The following TIA1 variants were observed in gnomAD, a reference collection of about 807,000 sequenced individuals.
The protein encoded by TIA1 is TIA1 cytotoxic granule associated RNA binding protein.
Under a neutral mutation model 65.9 loss-of-function variants are expected in TIA1, and 23 were observed. That is an observed-to-expected ratio of 0.35 (90% confidence interval 0.25 to 0.49). The LOEUF is 0.49. Ranked by LOEUF, TIA1 falls within the 20% of genes least tolerant of loss-of-function variation. TIA1 has a pLI of 0.98. For synonymous variants in TIA1, 147 were observed against 149.4 expected (o/e 0.98, Z 0.12); for missense variants, 371 against 477.9 (o/e 0.78, Z 2.09).
chr2:70,222,770 C>A (rs1341426751), intron 7 of TIA1, among the ~76,000 whole-genome samples: 1 of 152,104 alleles, frequency 6.6e-6, no homozygotes, highest in Non-Finnish European at 1.5e-5. Flanking sequence ...AAAAAATTAG[C>A]CGTGCATGGT....
At chr2:70,216,052 A>C in intron 10 of TIA1, 156 bp downstream of exon 10, 1 of 749,068 alleles carries the variant, frequency 1.3e-6, no homozygotes, top group African/African-American at 1.8e-5. Context: ...GCACCCGGCC[A>C]AAATTTCAAC....
intron 7 of TIA1, among the ~76,000 whole-genome samples, chr2:70,220,936 C>T (rs1400116158): frequency 6.6e-6 from 1 of 151,398 alleles, no homozygotes; most frequent in Non-Finnish European, 1.5e-5. Flanking sequence ...GAGGCCAAGG[C>T]GGGCGGACTG....
intron 7 of TIA1, among the ~76,000 whole-genome samples, chr2:70,217,893 A>C (rs937681403): frequency 1.3e-5 from 2 of 152,242 alleles, no homozygotes; most frequent in African/African-American, 4.8e-5. Flanking sequence ...AGATATCATA[A>C]AGTTCATGCA....
intron 11 of TIA1, among the ~76,000 whole-genome samples, 154 bp from the exon 12 acceptor site, chr2:70,214,648 A>C (rs995449569): frequency 4.6e-5 from 7 of 151,558 alleles, no homozygotes; most frequent in Non-Finnish European, 7.4e-5. Flanking sequence ...AAAAAAAAAA[A>C]AAAAAAAAAA....
At chr2:70,235,852 A>G (rs537915185) in intron 2 of TIA1, among the ~76,000 whole-genome samples, 1 of 152,278 alleles carries the variant, frequency 6.6e-6, no homozygotes, top group African/African-American at 2.4e-5. Flanking sequence ...ATCTTCCATC[A>G]TGTAATAAAA....
rs1394408226 is a variant in TIA1 at position 70,212,669 on chromosome 2, T to C, written c.*50A>G. ...ATCTTTAAGTAAACAACGGCTTTACTACACTCCCTGTAGCCTCAAGCCACT... is the reference window on the plus strand; with the variant it reads ...ATCTTTAAGTAAACAACGGCTTTACCACACTCCCTGTAGCCTCAAGCCACT... On this transcript the variant is annotated 3_prime_UTR_variant, in exon 13 of 13. Coordinates refer to ENST00000433529, the MANE Select transcript of TIA1 (RefSeq NM_022173.4). 1 of 1,136,864 alleles carries C rather than the reference T, an allele frequency of 8.8e-7. No homozygotes were observed. Among genetic ancestry groups the C allele is most frequent in the East Asian group, 2.3e-5 (1 of 42,640 alleles). 70.4% of individuals were successfully genotyped at this position (1,136,864 alleles called of 1,614,324 possible). A position where few individuals can be genotyped will look rare whatever the true frequency, so the allele number is the denominator to read the frequency against.
chr2:70,219,951 T>C (rs1680500811), intron 7 of TIA1, among the ~76,000 whole-genome samples: 1 of 152,130 alleles, frequency 6.6e-6, no homozygotes, highest in Non-Finnish European at 1.5e-5. Context: ...GACGCTTAAC[T>C]AATGTTATGT....
chr2:70,235,151 C>G lies in TIA1; in HGVS notation c.123+928G>C, dbSNP rs7608348. 6.9e-3 allele frequency among the ~76,000 whole-genome samples: 1,046 copies of G among 152,190 alleles called. 13 individuals carry two copies. Among genetic ancestry groups the G allele is most frequent in the African/African-American group, 0.024 (1,009 of 41,518 alleles). On this transcript the variant is annotated intron_variant, in intron 2 of 12. Transcript: ENST00000433529. The stretch of plus-strand genomic sequence containing the variant: ...AAAATTTAGGCCAGGTACAGTGGCT[C>G]ATACCTGTAATCCCAGTACTTTGGG...
chr2:70,248,511 T>C lies in TIA1; in HGVS notation c.-81A>G, dbSNP rs1000573491. The C allele has an allele frequency of 2.5e-6, 4 of 1,593,322 alleles. No individual in the cohort carries two copies. Among genetic ancestry groups the C allele is most frequent in the Non-Finnish European group, 3.4e-6 (4 of 1,174,780 alleles). On this transcript the variant is annotated 5_prime_UTR_variant, in exon 1 of 13. Coordinates refer to ENST00000433529, the MANE Select transcript of TIA1 (RefSeq NM_022173.4). ...CCCAAATCGTTTAAGCGGTTATGGC[T>C]ACAGGATAGTGGGGTTTCTCGGCTG... is the stretch of plus-strand genomic sequence containing the variant.
intron 1 of TIA1, among the ~76,000 whole-genome samples, chr2:70,245,291 G>A (rs573445518): frequency 1.3e-5 from 2 of 152,262 alleles, no homozygotes; most frequent in Non-Finnish European, 2.9e-5. Flanking sequence ...CTGGCCAGCT[G>A]CAGGCTTTTA....
intron 11 of TIA1, 55 bp from the exon 12 acceptor site, chr2:70,214,549 T>C: frequency 1.4e-6 from 2 of 1,382,828 alleles, no homozygotes; most frequent in Non-Finnish European, 1.9e-6. Context: ...ACAATCCTAA[T>C]ATGCTGATAC....
intron 1 of TIA1, among the ~76,000 whole-genome samples, chr2:70,245,356 T>C (rs1457204344): frequency 4.6e-5 from 7 of 152,158 alleles, no homozygotes; most frequent in Admixed American, 2.6e-4. Flanking sequence ...AGCCGCACAA[T>C]AACAGTATAG....
intron 5 of TIA1, chr2:70,228,340 A>G (rs1684682986): frequency 3.1e-6 from 4 of 1,284,106 alleles, no homozygotes; most frequent in Non-Finnish European, 4.1e-6. Flanking sequence ...AATCAAAGAA[A>G]TACCTTGCAT....
intron 5 of TIA1, chr2:70,228,423 C>T (rs1684705864): frequency 1.6e-6 from 2 of 1,287,958 alleles, no homozygotes; most frequent in Non-Finnish European, 2.0e-6. Context: ...AGACATTACA[C>T]CATTCAGTTT....
At chr2:70,244,834 CAAA>C (rs70956958) in intron 1 of TIA1, among the ~76,000 whole-genome samples, 5 of 53,484 alleles carry the variant, frequency 9.3e-5, no homozygotes, top group Admixed American at 2.4e-4. Context: ...GACTCTGTCT[CAAA>C]AAAAAAAAAA....
rs975298756 is a variant in TIA1, at chr2:70,239,950, G to C, written c.27-3775C>G. Among the ~76,000 whole-genome samples, 6 of 152,186 alleles carry C rather than the reference G, an allele frequency of 3.9e-5. No individual in the cohort carries two copies. In the South Asian group the frequency reaches 1.0e-3, roughly 26 times the overall value. Reference sequence around the variant, plus strand: ...AGTTCTCCTTTACAGGAGAATGCTAGTTAATAAATGTAGAAAGATAGTATT... The same window carrying C: ...AGTTCTCCTTTACAGGAGAATGCTACTTAATAAATGTAGAAAGATAGTATT... On this transcript the variant is annotated intron_variant, in intron 1 of 12. Coordinates refer to ENST00000433529, the MANE Select transcript of TIA1 (RefSeq NM_022173.4).
intron 5 of TIA1, 23 bp downstream of exon 5, chr2:70,229,036 T>C: frequency 6.3e-7 from 1 of 1,590,152 alleles, no homozygotes; most frequent in Non-Finnish European, 8.5e-7. Context: ...GATTTCATTT[T>C]ATGTTTAAGA....
In TIA1 at chr2:70,209,999, C is replaced by CAG. The variant is rs1176230294; in HGVS notation, c.*2718_*2719dup. The CAG allele has an allele frequency of 3.1e-6, 1 of 327,020 alleles. No homozygotes were observed. Among genetic ancestry groups the CAG allele is most frequent in the African/African-American group, 2.1e-5 (1 of 47,286 alleles). 20.3% of individuals were successfully genotyped at this position (327,020 alleles called of 1,614,324 possible). ...TGTGAATCTCATTTTCAACAAGTAT[C>CAG]AGCAAGGAAAATGAGACCCTGGTTT... On this transcript the variant is annotated 3_prime_UTR_variant, in exon 13 of 13. Coordinates refer to ENST00000433529, the MANE Select transcript of TIA1 (RefSeq NM_022173.4).
chr2:70,228,478 T>C, intron 5 of TIA1: 1 of 1,271,660 alleles, frequency 7.9e-7, no homozygotes, highest in Non-Finnish European at 1.0e-6. Flanking sequence ...GGCAACAGAA[T>C]GAAAACAGTA....
Sources: allele counts gnomAD v4.1 joint callset (sites outside exome capture counted in the v4.1 genomes callset), GRCh38; gene constraint gnomAD v4.1.1; transcripts MANE v1.5; gene names NCBI Gene and HGNC (gene_info 2026-07-23, HGNC 2026-07-21).